Variants in DPH5 observed in about 807,000 individuals in gnomAD.
The protein encoded by DPH5 is diphthamide biosynthesis 5.
In DPH5, 31 loss-of-function variants were observed where a neutral mutation model predicts 31.6. The ratio of observed to expected loss-of-function variants is 0.98; its 90% CI spans 0.74 to 1.32. The LOEUF (loss-of-function observed/expected upper bound fraction) is 1.32, where lower values mean the gene tolerates loss of function less well. Among genes scored for constraint, DPH5 ranks in the 40% most tolerant of loss-of-function variants. The pLI is 0.00. For synonymous variants in DPH5, 120 were observed against 115.0 expected (o/e 1.04, Z -0.28); for missense variants, 309 against 335.7 (o/e 0.92, Z 0.62).
At chr1:100,993,559 A>ATATATATATAT (rs1657999167) in intron 6 of DPH5, among the ~76,000 whole-genome samples, 1 of 56,546 alleles carries the variant, frequency 1.8e-5, no homozygotes, top group Non-Finnish European at 3.4e-5. Flanking sequence ...CGAAAATATA[A>ATATATATATAT]ATATATATAT....
intron 4 of DPH5, among the ~76,000 whole-genome samples, chr1:101,008,824 A>C (rs114678883): frequency 0.014 from 2,179 of 152,302 alleles, 58 homozygotes; most frequent in African/African-American, 0.05. Flanking sequence ...ATCATCACAT[A>C]ACAATAACTC....
intron 4 of DPH5, among the ~76,000 whole-genome samples, chr1:101,007,447 C>G (rs542892310): frequency 3.3e-5 from 5 of 152,268 alleles, no homozygotes; most frequent in African/African-American, 1.2e-4. Flanking sequence ...GGCGCGGTGG[C>G]TCATGCCTGT....
intron 3 of DPH5, among the ~76,000 whole-genome samples, chr1:101,019,254 C>A (rs1404438875): frequency 2.0e-5 from 3 of 151,888 alleles, no homozygotes; most frequent in Non-Finnish European, 4.4e-5. Flanking sequence ...GATCTATTTC[C>A]ATATTCCTTT....
chr1:101,006,937 G>A (rs1659273733), intron 4 of DPH5, among the ~76,000 whole-genome samples: 1 of 152,170 alleles, frequency 6.6e-6, no homozygotes, highest in African/African-American at 2.4e-5. Flanking sequence ...TGATAATGCA[G>A]TTTTTATCTG....
intron 3 of DPH5, among the ~76,000 whole-genome samples, chr1:101,020,465 G>C (rs1217857831): frequency 1.3e-5 from 2 of 151,950 alleles, no homozygotes; most frequent in African/African-American, 4.8e-5. Context: ...GAAATTCCAA[G>C]GTTTCCTAGG....
chr1:101,007,722 A>G (rs1659337105), intron 4 of DPH5, among the ~76,000 whole-genome samples: 1 of 151,214 alleles, frequency 6.6e-6, no homozygotes, highest in Non-Finnish European at 1.5e-5. Context: ...CCCCCCCGAA[A>G]AAAACAAAAA....
intron 3 of DPH5, among the ~76,000 whole-genome samples, chr1:101,019,152 T>G (rs955831792): frequency 3.9e-5 from 6 of 152,228 alleles, no homozygotes; most frequent in Non-Finnish European, 7.4e-5. Flanking sequence ...TGCAGAGATT[T>G]AGGGATAGAA....
intron 5 of DPH5, among the ~76,000 whole-genome samples, 164 bp downstream of exon 5, chr1:101,001,303 C>G (rs55693426): frequency 6.6e-6 from 1 of 152,050 alleles, no homozygotes; most frequent in South Asian, 2.1e-4. Context: ...GCAGAAGATG[C>G]GTGTCTCTCT....
Position 100,990,503 on chromosome 1 carries a change from T to TGATGATCAAGGAATGCAATGGTTCTCCC in DPH5, c.735_762dup (p.Thr255GlyfsTer31), listed in dbSNP as rs774870951. 3 of 1,614,042 alleles carry TGATGATCAAGGAATGCAATGGTTCTCCC rather than the reference T, an allele frequency of 1.9e-6. No homozygotes were observed. The highest frequency in any genetic ancestry group is 3.3e-5 in the Admixed American group (2 of 59,994). The stretch of plus-strand genomic sequence containing the variant: ...TCCATTGGATGTATGCTGCCTCCTG[T>TGATGATCAAGGAATGCAATGGTTCTCCC]GATGATCAAGGAATGCAATGGTTCT... On this transcript the variant is annotated frameshift_variant, in exon 8 of 8. Transcript: ENST00000370109. LOFTEE classifies it high-confidence loss of function.
intron 4 of DPH5, among the ~76,000 whole-genome samples, chr1:101,012,205 G>A (rs1448146146): frequency 1.3e-5 from 2 of 152,152 alleles, no homozygotes; most frequent in Admixed American, 6.5e-5. Context: ...CCAGCCATCC[G>A]TCATCAGTTC....
At chr1:101,025,532 C>A (rs981709688) in intron 1 of DPH5, 66 bp from the exon 2 acceptor site, 9 of 1,511,810 alleles carry the variant, frequency 6.0e-6, no homozygotes, top group Non-Finnish European at 8.1e-6. Context: ...TAGTGATGAA[C>A]ACGATGACAA....
At chr1:101,008,337 C>T (rs1659384023) in intron 4 of DPH5, among the ~76,000 whole-genome samples, 1 of 152,302 alleles carries the variant, frequency 6.6e-6, no homozygotes, top group South Asian at 2.1e-4. Context: ...ATCCCTAAAG[C>T]ATCTTCATAC....
At chr1:100,998,141 T>C (rs1338299110) in intron 5 of DPH5, among the ~76,000 whole-genome samples, 2 of 152,208 alleles carry the variant, frequency 1.3e-5, no homozygotes, top group Admixed American at 6.5e-5. Context: ...ATTGCAAATA[T>C]TGGCATAAGA....
chr1:101,017,639 G>A (rs986434436), intron 3 of DPH5, among the ~76,000 whole-genome samples: 17 of 152,306 alleles, frequency 1.1e-4, no homozygotes, highest in African/African-American at 4.1e-4. Flanking sequence ...ATGCAAACAA[G>A]TAGAACCTGT....
intron 4 of DPH5, among the ~76,000 whole-genome samples, chr1:101,008,621 G>A (rs558879115): frequency 2.6e-5 from 4 of 152,146 alleles, no homozygotes; most frequent in Non-Finnish European, 5.9e-5. Context: ...AGACAGCCAA[G>A]GTTTCTTTGG....
intron 4 of DPH5, chr1:101,011,678 T>C (rs1337027711): frequency 1.3e-5 from 2 of 152,164 alleles, no homozygotes; most frequent in South Asian, 2.1e-4. Context: ...TGGGATGTGT[T>C]CTATTTTTAT....
intron 4 of DPH5, among the ~76,000 whole-genome samples, chr1:101,003,334 G>A (rs777480235): frequency 2.0e-5 from 3 of 152,198 alleles, no homozygotes; most frequent in Non-Finnish European, 4.4e-5. Context: ...GGCAAACTTA[G>A]CCAACAAATA....
chr1:101,001,306 GTC>G lies in DPH5; in HGVS notation c.490+159_490+160del, dbSNP rs540226105. Among the ~76,000 whole-genome samples the G allele has an allele frequency of 2.8e-3, 428 of 152,320 alleles. 1 individual carries two copies. The highest frequency in any genetic ancestry group is 4.9e-3 in the Non-Finnish European group (332 of 68,028). On this transcript the variant is annotated intron_variant, in intron 5 of 7. Coordinates refer to ENST00000370109, the MANE Select transcript of DPH5 (RefSeq NM_015958.3). ...GTGGTACTTGAAGCAGAAGATGCGTGTCTCTCTAAGAGCATGGGAAAGAGTGT... is the reference window on the plus strand; with the variant it reads ...GTGGTACTTGAAGCAGAAGATGCGTGTCTCTAAGAGCATGGGAAAGAGTGT...
chr1:101,004,869 T>C (rs777462025), intron 4 of DPH5, among the ~76,000 whole-genome samples: 1 of 152,208 alleles, frequency 6.6e-6, no homozygotes, highest in Non-Finnish European at 1.5e-5. Context: ...GCGGGAAGTC[T>C]TGGGCAATAT....
Sources: allele counts gnomAD v4.1 joint callset (sites outside exome capture counted in the v4.1 genomes callset), GRCh38; gene constraint gnomAD v4.1.1; transcripts MANE v1.5; gene names NCBI Gene and HGNC (gene_info 2026-07-23, HGNC 2026-07-21).